CHD9: variants seen among roughly 807,000 people sequenced by gnomAD.
CHD9 encodes the protein chromodomain helicase DNA binding protein 9.
In CHD9, 77 loss-of-function variants were observed where a neutral mutation model predicts 316.1. The ratio of observed to expected loss-of-function variants is 0.24; its 90% CI spans 0.20 to 0.29. The LOEUF is 0.29. Ranked by LOEUF, CHD9 falls within the 10% of genes least tolerant of loss-of-function variation. The pLI is 1.00. For synonymous variants in CHD9, 1,129 were observed against 1,158.3 expected (o/e 0.97, Z 0.51); for missense variants, 2,763 against 3,438.1 (o/e 0.80, Z 4.91).
At chr16:53,131,801 G>T (rs1180534857) in intron 1 of CHD9, among the ~76,000 whole-genome samples, 1 of 152,164 alleles carries the variant, frequency 6.6e-6, no homozygotes, top group African/African-American at 2.4e-5. Context: ...GACGTCCCCG[G>T]CGCTTTCCCA....
chr16:53,068,358 G>C (rs1190663657), intron 1 of CHD9, among the ~76,000 whole-genome samples: 1 of 152,294 alleles, frequency 6.6e-6, no homozygotes, highest in East Asian at 1.9e-4. Context: ...TTGTGTGGCA[G>C]ATATTCCTGC....
intron 19 of CHD9, among the ~76,000 whole-genome samples, chr16:53,258,260 T>C (rs2050778656): frequency 6.6e-6 from 1 of 152,216 alleles, no homozygotes; most frequent in South Asian, 2.1e-4. Context: ...TATACAGTGC[T>C]ATCTAACTTT....
chr16:53,287,772 A>G (rs1417453946), intron 26 of CHD9, among the ~76,000 whole-genome samples, 185 bp from the exon 27 acceptor site: 1 of 152,208 alleles, frequency 6.6e-6, no homozygotes, highest in Non-Finnish European at 1.5e-5. Flanking sequence ...AGGGTACATT[A>G]GAACTAGCTT....
chr16:53,264,037 A>G (rs897223512), intron 20 of CHD9, among the ~76,000 whole-genome samples: 5 of 149,702 alleles, frequency 3.3e-5, no homozygotes, highest in Non-Finnish European at 6.0e-5. Context: ...TTCACAGTAG[A>G]AAAAAAAAAG....
At chr16:53,218,726 GAA>G (rs1202353449) in intron 3 of CHD9, among the ~76,000 whole-genome samples, 1 of 151,984 alleles carries the variant, frequency 6.6e-6, no homozygotes, top group Non-Finnish European at 1.5e-5. Flanking sequence ...ATCAAACATT[GAA>G]AAAATACCTT....
chr16:53,206,149 C>T (rs372819117), intron 2 of CHD9, among the ~76,000 whole-genome samples: 2 of 151,942 alleles, frequency 1.3e-5, no homozygotes, highest in Non-Finnish European at 2.9e-5. Flanking sequence ...GCGATTTTTC[C>T]TCCATGTTGG....
chr16:53,254,027 AT>A (rs2050350759), intron 17 of CHD9, among the ~76,000 whole-genome samples: 1 of 152,098 alleles, frequency 6.6e-6, no homozygotes, highest in Non-Finnish European at 1.5e-5. Context: ...AAATACAAAA[AT>A]TAGTCAGATG....
At chr16:53,129,585 C>T (rs1225901112) in intron 1 of CHD9, among the ~76,000 whole-genome samples, 1 of 152,242 alleles carries the variant, frequency 6.6e-6, no homozygotes, top group East Asian at 1.9e-4. Flanking sequence ...CCATTCCATT[C>T]TGGCTAGGCA....
At chr16:53,306,424 A>G (rs2055979630) in intron 32 of CHD9, 27 bp downstream of exon 32, 2 of 1,535,400 alleles carry the variant, frequency 1.3e-6, no homozygotes, top group African/African-American at 1.4e-5. Flanking sequence ...TTATTGGGAT[A>G]GGTCATTTTT....
intron 2 of CHD9, among the ~76,000 whole-genome samples, chr16:53,204,058 T>TACAC (rs58259105): frequency 1.6e-3 from 98 of 62,978 alleles, no homozygotes; most frequent in South Asian, 3.7e-3. Context: ...AATATATATA[T>TACAC]ACACACACAC....
intron 1 of CHD9, among the ~76,000 whole-genome samples, chr16:53,089,411 C>T (rs1210388546): frequency 1.3e-5 from 2 of 152,170 alleles, no homozygotes; most frequent in Non-Finnish European, 2.9e-5. Flanking sequence ...ACAATAATTC[C>T]CTTCTCCTAT....
intron 1 of CHD9, among the ~76,000 whole-genome samples, chr16:53,071,026 C>T (rs2152515143): frequency 6.6e-6 from 1 of 152,196 alleles, no homozygotes; most frequent in East Asian, 1.9e-4. Context: ...TCTATTTCTG[C>T]AAAAAGTCAT....
intron 1 of CHD9, among the ~76,000 whole-genome samples, chr16:53,131,897 C>A (rs1290358808): frequency 6.6e-6 from 1 of 152,082 alleles, no homozygotes; most frequent in African/African-American, 2.4e-5. Flanking sequence ...GTGGCCCGGA[C>A]CCCGCCAGCC....
chr16:53,235,214 A>C lies in CHD9; in HGVS notation c.2541A>C (p.Lys847Asn). Residue 847 changes from lysine (K) to asparagine (N), a missense_variant, in exon 11 of 39, where the codon AAA becomes AAC. Lys to Asn is a moderately conservative substitution (Grantham distance 94, BLOSUM62 0). This residue lies in a region of CHD9 where 186 missense variants were observed against 245.0 expected (regional missense o/e 0.76). Coordinates refer to ENST00000447540, the MANE Select transcript of CHD9 (RefSeq NM_001308319.2). ...LDRPPSNIWK[K>N]IDQSRDYKNG... is the part of the protein sequence containing the mutation. ...GTCCTCCTTCTAATATTTGGAAGAAAATAGATCAATCCAGGGACTATAAAA... is the reference window on the plus strand; with the variant it reads ...GTCCTCCTTCTAATATTTGGAAGAACATAGATCAATCCAGGGACTATAAAA... 5.8e-6 allele frequency: 9 copies of C among 1,554,270 alleles called. No individual in the cohort carries two copies. Among genetic ancestry groups the C allele is most frequent in the Non-Finnish European group, 7.8e-6 (9 of 1,146,712 alleles).
In CHD9 at chr16:53,157,441, T is replaced by C; in HGVS notation, c.1352T>C (p.Met451Thr). 6.2e-7 allele frequency: 1 copy of C among 1,614,034 alleles called. No individual in the cohort carries two copies. Among genetic ancestry groups the C allele is most frequent in the Non-Finnish European group, 8.5e-7 (1 of 1,179,886 alleles). The change falls in exon 2 of 39, where the codon ATG (methionine) becomes ACG (threonine). Residue 451 changes from methionine to threonine, a missense_variant. Around this residue, in one of 15 missense-constraint regions of CHD9, gnomAD observed 859 missense variants for 890.4 expected, o/e 0.96. Transcript: ENST00000447540. ...CATCTGGTAACACGGCCTTCTGATA[T>C]GGCTCAGACTCAGTTGCAAAGTCAG... ...TSHLVTRPSD[M>T]AQTQLQSQAR...
At chr16:53,243,584 ATTACAGGCGTGAGCCTGTAATT>A (rs1468194536) in intron 13 of CHD9, among the ~76,000 whole-genome samples, 1 of 152,198 alleles carries the variant, frequency 6.6e-6, no homozygotes, top group Non-Finnish European at 1.5e-5. Context: ...AAGTGCTGGG[ATTACAGGCGTGAGCCTGTAATT>A]TTTTGTATTT....
chr16:53,130,188 G>A (rs1339659779), intron 1 of CHD9, among the ~76,000 whole-genome samples: 1 of 151,426 alleles, frequency 6.6e-6, no homozygotes, highest in East Asian at 2.0e-4. Context: ...GGCGGGCGCC[G>A]GCTACTGCAG....
intron 2 of CHD9, among the ~76,000 whole-genome samples, chr16:53,196,597 C>T (rs979957357): frequency 6.6e-6 from 1 of 152,122 alleles, no homozygotes; most frequent in African/African-American, 2.4e-5. Flanking sequence ...TTGATTTAAT[C>T]GTAAGATTCC....
intron 1 of CHD9, among the ~76,000 whole-genome samples, chr16:53,154,375 C>G (rs910258366): frequency 5.3e-5 from 8 of 152,126 alleles, no homozygotes; most frequent in African/African-American, 1.9e-4. Context: ...CAATGTATCA[C>G]TTAATCATTG....
Sources: allele counts gnomAD v4.1 joint callset (sites outside exome capture counted in the v4.1 genomes callset), GRCh38; gene constraint gnomAD v4.1.1; regional missense constraint gnomAD v4.1.1; transcripts MANE v1.5; gene names NCBI Gene and HGNC (gene_info 2026-07-23, HGNC 2026-07-21).